The following AKR1C2 variants were observed in gnomAD, a reference collection of about 807,000 sequenced individuals.
AKR1C2 encodes 3-alpha-HSD3.
In AKR1C2, 27 loss-of-function variants were observed where a neutral mutation model predicts 39.8. The observed-to-expected ratio is 0.68, with a 90% CI of 0.50 to 0.93. The LOEUF (loss-of-function observed/expected upper bound fraction) is 0.93. AKR1C2 is among the 40% of genes least tolerant of loss of function. The pLI, the probability that AKR1C2 is intolerant of heterozygous loss-of-function variation, is 0.00. For missense variants in AKR1C2, 263 were observed against 365.1 expected, an observed-to-expected ratio of 0.72 and a Z score of 2.28; for synonymous variants, 114 against 137.9, an observed-to-expected ratio of 0.83 and a Z score of 1.22.
intron 5 of AKR1C2, among the ~76,000 whole-genome samples, chr10:4,998,024 G>A (rs1564329923): frequency 6.6e-6 from 1 of 152,228 alleles, no homozygotes; most frequent in Admixed American, 6.5e-5. Context: ...ACCTTCCTCA[G>A]TGTGGATTTC....
At chr10:5,001,363 T>C in intron 2 of AKR1C2, 151 bp downstream of exon 2, 1 of 1,372,504 alleles carries the variant, frequency 7.3e-7, no homozygotes, top group East Asian at 2.5e-5. Flanking sequence ...ACTTCCTGCC[T>C]TTGATATTAG....
At chr10:4,995,121 T>C (rs1466248116) in intron 7 of AKR1C2, among the ~76,000 whole-genome samples, 198 bp downstream of exon 7, 1 of 108,094 alleles carries the variant, frequency 9.3e-6, no homozygotes, top group African/African-American at 3.9e-5. Context: ...GTAGTTTTGA[T>C]CCCATCCTAT....
intron 1 of AKR1C2, among the ~76,000 whole-genome samples, chr10:5,015,438 T>C (rs533483416): frequency 1.6e-3 from 246 of 152,322 alleles, no homozygotes; most frequent in Non-Finnish European, 2.1e-3. Context: ...CCCAGGGGCT[T>C]ATAATTTCTA....
intron 1 of AKR1C2, among the ~76,000 whole-genome samples, chr10:5,003,501 G>A (rs1350501561): frequency 1.3e-5 from 2 of 151,222 alleles, no homozygotes; most frequent in African/African-American, 4.8e-5. Context: ...AAGAGAGGGA[G>A]CAGGCAAGCC....
At chr10:5,016,333 A>G (rs576430698) in intron 1 of AKR1C2, among the ~76,000 whole-genome samples, 1 of 152,240 alleles carries the variant, frequency 6.6e-6, no homozygotes, top group Non-Finnish European at 1.5e-5. Flanking sequence ...GTTACTTTCT[A>G]GATACAATGG....
chr10:4,991,213 A>C (rs376675258), intron 8 of AKR1C2, among the ~76,000 whole-genome samples: 2 of 151,634 alleles, frequency 1.3e-5, no homozygotes, highest in Non-Finnish European at 2.9e-5. Flanking sequence ...TCCATATTGC[A>C]GAACACCAAG....
intron 1 of AKR1C2, among the ~76,000 whole-genome samples, chr10:5,010,177 C>T (rs1308017684): frequency 6.7e-6 from 1 of 149,080 alleles, no homozygotes; most frequent in African/African-American, 2.5e-5. Flanking sequence ...TGGTTGCAGG[C>T]ACCCACCACT....
At chr10:4,998,844 G>A in intron 4 of AKR1C2, 97 bp from the exon 5 acceptor site, 1 of 1,544,470 alleles carries the variant, frequency 6.5e-7, no homozygotes, top group Non-Finnish European at 8.7e-7. Context: ...GTCTAGACGT[G>A]ACAATCAAAC....
In AKR1C2 at chr10:4,999,402, G is replaced by A. The variant is rs11818926; in HGVS notation, c.370-125C>T. 128,761 of 1,598,252 alleles carry A rather than the reference G, an allele frequency of 0.081. 4,473 individuals are homozygous for A. Among genetic ancestry groups the A allele is most frequent in the Middle Eastern group, 0.11 (642 of 5,992 alleles). On this transcript the variant is annotated intron_variant, in intron 3 of 8. Transcript: ENST00000380753. Reference sequence around the variant, plus strand: ...AGGTGATGCAGCGCTCCAGAGAGTGGTATGTACAAAGTGTACTACATATGA... The same window carrying A: ...AGGTGATGCAGCGCTCCAGAGAGTGATATGTACAAAGTGTACTACATATGA...
upstream of AKR1C2, among the ~76,000 whole-genome samples, chr10:5,008,717 G>A (rs1361881886): frequency 6.6e-6 from 1 of 152,232 alleles, no homozygotes; most frequent in Non-Finnish European, 1.5e-5. Context: ...CATACATAAA[G>A]AACACTCATG....
At chr10:5,013,799 A>C (rs1278366969) in intron 1 of AKR1C2, among the ~76,000 whole-genome samples, 1 of 152,240 alleles carries the variant, frequency 6.6e-6, no homozygotes, top group Non-Finnish European at 1.5e-5. Context: ...CATCACCAGT[A>C]TACATATATT....
intron 3 of AKR1C2, chr10:5,000,291 A>T: frequency 6.8e-7 from 1 of 1,480,852 alleles, no homozygotes. Context: ...CAAGGAGATG[A>T]TTGTCATTTC....
chr10:5,015,494 A>T (rs1305565451), intron 1 of AKR1C2, among the ~76,000 whole-genome samples: 1 of 151,832 alleles, frequency 6.6e-6, no homozygotes, highest in Non-Finnish European at 1.5e-5. Flanking sequence ...ACACAGAACT[A>T]CCCTCCCTAA....
chr10:5,009,642 G>A (rs1384840833), intron 1 of AKR1C2, among the ~76,000 whole-genome samples: 2 of 151,968 alleles, frequency 1.3e-5, no homozygotes, highest in South Asian at 2.1e-4. Context: ...CTGGATACTC[G>A]TGCCCCTAAA....
chr10:5,004,890 T>C (rs1252012134), upstream of AKR1C2: 4 of 143,852 alleles, frequency 2.8e-5, no homozygotes, highest in African/African-American at 1.0e-4. Context: ...TTGTTATCAT[T>C]GACATAAATG....
At chr10:5,002,174 A>G (rs1837294232) in intron 1 of AKR1C2, among the ~76,000 whole-genome samples, 4 of 152,202 alleles carry the variant, frequency 2.6e-5, no homozygotes, top group Admixed American at 2.0e-4. Context: ...GATGCCCTCT[A>G]CATACTCCAT....
intron 5 of AKR1C2, chr10:4,997,304 T>C (rs1564329443): frequency 6.6e-6 from 1 of 152,200 alleles, no homozygotes; most frequent in Non-Finnish European, 1.5e-5. Context: ...ACAATTGAAT[T>C]CTGGTTAAAA....
chr10:5,007,551 C>T (rs1340781149), upstream of AKR1C2: 8 of 149,972 alleles, frequency 5.3e-5, no homozygotes, highest in Non-Finnish European at 7.4e-5. Flanking sequence ...GAAATTGAAA[C>T]GGGAATCCAG....
At chr10:5,012,273 A>G (rs1296876438) in intron 1 of AKR1C2, among the ~76,000 whole-genome samples, 1 of 151,954 alleles carries the variant, frequency 6.6e-6, no homozygotes, top group Non-Finnish European at 1.5e-5. Context: ...CTAGTACAGT[A>G]GGCTCAATAC....
Sources: allele counts gnomAD v4.1 joint callset (sites outside exome capture counted in the v4.1 genomes callset), GRCh38; gene constraint gnomAD v4.1.1; transcripts MANE v1.5; gene names NCBI Gene and HGNC (gene_info 2026-07-23, HGNC 2026-07-21).